Variants in INTS6 observed in about 807,000 individuals in gnomAD.
INTS6 encodes the protein integrator complex subunit 6, also known as DEAD box protein.
INTS6 carries 16 observed loss-of-function variants against 104.9 expected under a neutral mutation model. The observed-to-expected ratio is 0.15, with a 90% CI of 0.10 to 0.23. The LOEUF (loss-of-function observed/expected upper bound fraction) is 0.23. Ranked by LOEUF, INTS6 falls within the 10% of genes least tolerant of loss-of-function variation. The probability of loss-of-function intolerance (pLI) is 1.00; values close to 1 mark genes in which losing one functional copy is unlikely to be tolerated. For synonymous variants in INTS6, 324 were observed against 358.7 expected, an observed-to-expected ratio of 0.90 and a Z score of 1.09; for missense variants, 584 against 1,062.8, an observed-to-expected ratio of 0.55 and a Z score of 6.26.
chr13:51,351,607 C>T (rs1023002590), downstream of INTS6, among the ~76,000 whole-genome samples: 1 of 151,936 alleles, frequency 6.6e-6, no homozygotes, highest in African/African-American at 2.4e-5. Context: ...CAATGGTGTC[C>T]TTTGAAGCAC....
the INTS6 span, among the ~76,000 whole-genome samples, chr13:51,341,514 G>A: frequency 6.6e-6 from 1 of 152,196 alleles, no homozygotes. Flanking sequence ...CTACCTGGGA[G>A]ATAGGGAGCT....
At chr13:51,414,513 A>G (rs981595999) in intron 4 of INTS6, among the ~76,000 whole-genome samples, 5 of 152,176 alleles carry the variant, frequency 3.3e-5, no homozygotes, top group Non-Finnish European at 7.3e-5. Context: ...AACTAATGCT[A>G]AATCTTTCCG....
At chr13:51,421,197 G>A (rs1956890566) in intron 4 of INTS6, 1 of 985,566 alleles carries the variant, frequency 1.0e-6, no homozygotes, top group Non-Finnish European at 1.2e-6. Context: ...TTTTCCCCAC[G>A]ATCTGACTGC....
At position 51,452,535 on chromosome 13, in the gene INTS6, CG is replaced by C. The variant is rs1953085110; in HGVS notation, c.-11del. 1.9e-6 allele frequency: 3 copies of C among 1,609,296 alleles called. No homozygotes were observed. The East Asian group carries it at 6.7e-5, about 36-fold the overall frequency. On this transcript the variant is annotated 5_prime_UTR_variant, in exon 1 of 18. Transcript: ENST00000311234. The surrounding 1 kb of genome is among the most constrained non-coding windows in gnomAD (Gnocchi z 4.2). ...ACAGTAAGATGGGCATAGTGCTGGC[CG>C]GGGACACCGGGGCCCGAGGTGGTGG...
intron 3 of INTS6, chr13:51,437,228 C>T (rs1343274426): frequency 6.6e-6 from 1 of 151,982 alleles, no homozygotes; most frequent in Non-Finnish European, 1.5e-5. Context: ...TTTAATTTGA[C>T]CTAAAAGAAA....
In INTS6 at chr13:51,452,746, GCCTCCT is replaced by G. The variant is rs994488102; in HGVS notation, c.-227_-222del. The G allele has an allele frequency of 1.5e-5, 18 of 1,229,572 alleles. No homozygotes were observed. The highest frequency in any genetic ancestry group is 1.6e-5 in the Non-Finnish European group (16 of 980,718). 76.2% of individuals were successfully genotyped at this position (1,229,572 alleles called of 1,614,324 possible). A position where few individuals can be genotyped will look rare whatever the true frequency, so the allele number is the denominator to read the frequency against. ...TGCTCCCCGTCGTACCCCCGCCTCC[GCCTCCT>G]CCTGCCTGCCTGCCCGCTGGGGCGG... is the stretch of plus-strand genomic sequence containing the variant. On this transcript the variant is annotated 5_prime_UTR_variant, in exon 1 of 18. Transcript: ENST00000311234. The surrounding 1 kb of genome is among the most constrained non-coding windows in gnomAD (Gnocchi z 4.2).
At chr13:51,374,857 T>A in intron 13 of INTS6, 61 bp from the exon 14 acceptor site, 1 of 1,544,864 alleles carries the variant, frequency 6.5e-7, no homozygotes, top group Non-Finnish European at 8.9e-7. Context: ...AAATAATGTT[T>A]CCTTATATAT....
intron 5 of INTS6, 94 bp from the exon 6 acceptor site, chr13:51,389,538 TGGGGTTTCTGAC>T: frequency 7.9e-7 from 1 of 1,263,316 alleles, no homozygotes; most frequent in East Asian, 2.6e-5. Context: ...AAAACAACTG[TGGGGTTTCTGAC>T]AGTACTAATT....
chr13:51,361,247 A>C, downstream of INTS6: 1 of 1,398,054 alleles, frequency 7.2e-7, no homozygotes, highest in Non-Finnish European at 1.0e-6. Flanking sequence ...GTTAATGAGC[A>C]ACTCACATTT....
chr13:51,404,103 CAGAGAG>C (rs376831870), intron 4 of INTS6, among the ~76,000 whole-genome samples: 1 of 103,954 alleles, frequency 9.6e-6, no homozygotes, highest in East Asian at 2.8e-4. Flanking sequence ...CACACACACA[CAGAGAG>C]AGAGAGAGAG....
chr13:51,411,044 T>C (rs949833768), intron 4 of INTS6, among the ~76,000 whole-genome samples: 1 of 150,934 alleles, frequency 6.6e-6, no homozygotes, highest in African/African-American at 2.4e-5. Context: ...AAACCCCGTC[T>C]CTACTAAAAA....
In INTS6 at chr13:51,362,100, C is replaced by T; in HGVS notation, c.*3652G>A. 1.3e-6 allele frequency: 2 copies of T among 1,490,644 alleles called. No homozygotes were observed. The highest frequency in any genetic ancestry group is 1.8e-6 in the Non-Finnish European group (2 of 1,127,112). 92.3% of individuals were successfully genotyped at this position (1,490,644 alleles called of 1,614,324 possible). A position where few individuals can be genotyped will look rare whatever the true frequency, so the allele number is the denominator to read the frequency against. On this transcript the variant is annotated 3_prime_UTR_variant, in exon 18 of 18. Coordinates refer to ENST00000311234, the MANE Select transcript of INTS6 (RefSeq NM_012141.3). ...GGAAACTTATCCTCCATGTTTTTTA[C>T]CTTCTCATTCTCTCAGCTCATATAT...
At chr13:51,411,628 A>T (rs923624942) in intron 4 of INTS6, among the ~76,000 whole-genome samples, 1 of 152,184 alleles carries the variant, frequency 6.6e-6, no homozygotes, top group Non-Finnish European at 1.5e-5. Context: ...ATGCAAACTA[A>T]AACCAAAAAG....
chr13:51,412,027 T>C (rs1453889032), intron 4 of INTS6, among the ~76,000 whole-genome samples: 4 of 152,190 alleles, frequency 2.6e-5, no homozygotes, highest in Admixed American at 2.6e-4. Flanking sequence ...CTCAAGAGCA[T>C]TATGCTAAAG....
chr13:51,418,770 A>C (rs1956841524), intron 4 of INTS6, among the ~76,000 whole-genome samples: 1 of 152,234 alleles, frequency 6.6e-6, no homozygotes, highest in Non-Finnish European at 1.5e-5. Flanking sequence ...TACTTTCTTC[A>C]ACAAAGTTTT....
At chr13:51,394,482 C>T (rs779419047) in intron 5 of INTS6, among the ~76,000 whole-genome samples, 38 of 152,062 alleles carry the variant, frequency 2.5e-4, no homozygotes, top group Admixed American at 4.6e-4. Flanking sequence ...ATCTCATTAG[C>T]GCACCAACTG....
chr13:51,427,222 T>C (rs1957000992), intron 4 of INTS6, among the ~76,000 whole-genome samples: 2 of 152,156 alleles, frequency 1.3e-5, no homozygotes, highest in Admixed American at 6.6e-5. Context: ...AGGAATTATG[T>C]ACACATATCT....
intron 12 of INTS6, among the ~76,000 whole-genome samples, chr13:51,377,059 T>G (rs1209810138): frequency 1.3e-5 from 2 of 152,202 alleles, no homozygotes; most frequent in African/African-American, 4.8e-5. Flanking sequence ...ATTTTTTGTC[T>G]TTTAAATTTT....
At chr13:51,409,369 G>A (rs1004865670) in intron 4 of INTS6, among the ~76,000 whole-genome samples, 8 of 150,034 alleles carry the variant, frequency 5.3e-5, no homozygotes, top group African/African-American at 2.0e-4. Flanking sequence ...TACTTTCTAG[G>A]AGAATATTTA....
Sources: allele counts gnomAD v4.1 joint callset (sites outside exome capture counted in the v4.1 genomes callset), GRCh38; gene constraint gnomAD v4.1.1; non-coding constraint Gnocchi (gnomAD v3.1); transcripts MANE v1.5; gene names NCBI Gene and HGNC (gene_info 2026-07-23, HGNC 2026-07-21).